L3MBTL4: variants seen among roughly 807,000 people sequenced by gnomAD.
L3MBTL4 encodes the protein lethal(3)malignant brain tumor-like protein 4.
L3MBTL4 carries 70 observed loss-of-function variants against 84.5 expected under a neutral mutation model. That is an observed-to-expected ratio of 0.83 (90% confidence interval 0.68 to 1.01). The LOEUF is 1.01. Among genes scored for constraint, L3MBTL4 ranks in the 50% least tolerant of loss-of-function variants. The pLI is 0.00. For missense variants in L3MBTL4, 715 were observed against 754.8 expected, an observed-to-expected ratio of 0.95 and a Z score of 0.62; for synonymous variants, 274 against 259.8, an observed-to-expected ratio of 1.05 and a Z score of -0.52.
intron 17 of L3MBTL4, among the ~76,000 whole-genome samples, chr18:5,964,776 A>G (rs961475416): frequency 1.3e-5 from 2 of 152,138 alleles, no homozygotes; most frequent in African/African-American, 4.8e-5. Flanking sequence ...AAATGTGCAC[A>G]CCACATATCA....
rs565830232 is a variant in L3MBTL4 at position 6,193,612 on chromosome 18, T to A, written c.981+19537A>T. On this transcript the variant is annotated intron_variant, in intron 12 of 18. Coordinates refer to ENST00000317931, the MANE Select transcript of L3MBTL4 (RefSeq NM_001330559.2). ...GCAGAGTTGAACGGTGACCTTGCAGTCTGGGCTTCTTGATCAAACTGACAT... is the reference window on the plus strand; with the variant it reads ...GCAGAGTTGAACGGTGACCTTGCAGACTGGGCTTCTTGATCAAACTGACAT... Among the ~76,000 whole-genome samples the A allele has an allele frequency of 1.4e-4, 21 of 152,280 alleles. 1 individual carries two copies. The East Asian group carries it at 2.9e-3, about 21-fold the overall frequency.
chr18:6,222,252 A>G (rs866661721), intron 10 of L3MBTL4, among the ~76,000 whole-genome samples: 1 of 152,222 alleles, frequency 6.6e-6, no homozygotes, highest in Non-Finnish European at 1.5e-5. Flanking sequence ...TTGATCATTA[A>G]TTAGTTTCTA....
intron 3 of L3MBTL4, among the ~76,000 whole-genome samples, chr18:6,302,658 T>C (rs1420943503): frequency 6.6e-6 from 1 of 152,202 alleles, no homozygotes; most frequent in East Asian, 1.9e-4. Context: ...CTTCTTTATG[T>C]CATTTTGTGG....
chr18:6,144,078 C>G (rs548273720), intron 13 of L3MBTL4, among the ~76,000 whole-genome samples: 1 of 151,844 alleles, frequency 6.6e-6, no homozygotes, highest in Non-Finnish European at 1.5e-5. Context: ...GCCCTGTAGT[C>G]CCAGCTACTG....
chr18:6,311,407 C>A (rs939013836), intron 3 of L3MBTL4, 147 bp downstream of exon 3: 12 of 646,542 alleles, frequency 1.9e-5, no homozygotes, highest in East Asian at 2.6e-5. Flanking sequence ...ATATTCTATA[C>A]CCCTACACAT....
At chr18:6,040,313 A>G (rs1293783968) in intron 16 of L3MBTL4, among the ~76,000 whole-genome samples, 1 of 152,188 alleles carries the variant, frequency 6.6e-6, no homozygotes, top group Non-Finnish European at 1.5e-5. Flanking sequence ...CAATATCCAG[A>G]AGCACTTTTG....
intron 15 of L3MBTL4, among the ~76,000 whole-genome samples, chr18:6,093,076 G>A (rs1464897017): frequency 6.6e-6 from 1 of 152,044 alleles, no homozygotes. Context: ...GGAATCTTTT[G>A]GAATGGTACA....
chr18:6,257,645 C>CTTTTTTTTTTTTTTTTTTTTTTTT (rs770563046), intron 5 of L3MBTL4, among the ~76,000 whole-genome samples: 2 of 127,490 alleles, frequency 1.6e-5, no homozygotes, highest in Non-Finnish European at 3.3e-5. Context: ...TTTTCTTTTT[C>CTTTTTTTTTTTTTTTTTTTTTTTT]TTTTTTTTTT....
At chr18:6,004,347 T>C (rs1277999382) in intron 16 of L3MBTL4, among the ~76,000 whole-genome samples, 2 of 152,164 alleles carry the variant, frequency 1.3e-5, no homozygotes, top group Non-Finnish European at 2.9e-5. Context: ...AAAATCTGAA[T>C]GGACCTATAG....
chr18:6,217,241 C>G (rs1160786876), intron 10 of L3MBTL4, among the ~76,000 whole-genome samples: 1 of 152,126 alleles, frequency 6.6e-6, no homozygotes, highest in African/African-American at 2.4e-5. Context: ...AGGACATTTC[C>G]AGAGCTCCAG....
intron 10 of L3MBTL4, among the ~76,000 whole-genome samples, chr18:6,232,326 A>G (rs1413751962): frequency 6.6e-6 from 1 of 151,830 alleles, no homozygotes; most frequent in East Asian, 1.9e-4. Flanking sequence ...AGTGTTCCTG[A>G]AGAATATTGG....
intron 14 of L3MBTL4, among the ~76,000 whole-genome samples, chr18:6,102,216 C>T (rs2058856129): frequency 6.6e-6 from 1 of 152,164 alleles, no homozygotes; most frequent in South Asian, 2.1e-4. Flanking sequence ...TAAAGAAATA[C>T]CAGTCATGTA....
At chr18:6,277,499 T>C (rs2146541049) in intron 4 of L3MBTL4, among the ~76,000 whole-genome samples, 1 of 152,314 alleles carries the variant, frequency 6.6e-6, no homozygotes, top group East Asian at 1.9e-4. Flanking sequence ...CTGTTTCTAT[T>C]ACTATACCAC....
At chr18:6,334,847 T>C (rs546562209) in intron 1 of L3MBTL4, among the ~76,000 whole-genome samples, 1 of 152,356 alleles carries the variant, frequency 6.6e-6, no homozygotes, top group East Asian at 1.9e-4. Context: ...CAATTATGTA[T>C]TTTTATCTTT....
At chr18:6,221,572 C>G (rs552131409) in intron 10 of L3MBTL4, among the ~76,000 whole-genome samples, 89 of 152,250 alleles carry the variant, frequency 5.8e-4, no homozygotes, top group African/African-American at 2.0e-3. Flanking sequence ...AAAGCTAGAG[C>G]CTGTGTCTCC....
chr18:6,064,598 G>GTT (rs143605097), intron 16 of L3MBTL4, among the ~76,000 whole-genome samples: 15,668 of 140,530 alleles, frequency 0.11, 1,123 homozygotes, highest in African/African-American at 0.18. Context: ...ATATTCCTAG[G>GTT]TTTTTTTTTT....
chr18:6,207,750 A>C (rs1010736418), intron 12 of L3MBTL4, among the ~76,000 whole-genome samples: 1 of 152,130 alleles, frequency 6.6e-6, no homozygotes, highest in African/African-American at 2.4e-5. Flanking sequence ...GCTTAGCTCA[A>C]AGGACATATA....
intron 14 of L3MBTL4, among the ~76,000 whole-genome samples, chr18:6,105,994 A>T (rs1174264289): frequency 6.6e-6 from 1 of 152,166 alleles, no homozygotes; most frequent in Non-Finnish European, 1.5e-5. Context: ...TATACATGAT[A>T]CCCTGAATTA....
chr18:6,091,720 A>G lies in L3MBTL4; in HGVS notation c.1373+1635T>C, dbSNP rs548111150. On this transcript the variant is annotated intron_variant, in intron 15 of 18. Coordinates refer to ENST00000317931, the MANE Select transcript of L3MBTL4 (RefSeq NM_001330559.2). ...AAAGCTTAGCTAACCTCTGAGAGCA[A>G]TCATTTTTTTTAAGGCAGTTCAAAG... is the stretch of plus-strand genomic sequence containing the variant. Among the ~76,000 whole-genome samples, 8 of 152,314 alleles carry G rather than the reference A, an allele frequency of 5.3e-5. 1 individual carries two copies. The South Asian group carries it at 1.7e-3, about 32-fold the overall frequency.
Sources: gnomAD v4.1 joint callset for allele counts (sites outside exome capture counted in the v4.1 genomes callset) on GRCh38, gnomAD v4.1.1 for gene constraint, MANE v1.5 for transcripts, NCBI Gene and HGNC (gene_info 2026-07-23, HGNC 2026-07-21) for gene names.